The following CFAP61 variants were observed in gnomAD, a reference collection of about 807,000 sequenced individuals.
CFAP61 encodes cilia- and flagella-associated protein 61.
Under a neutral mutation model 135.6 loss-of-function variants are expected in CFAP61, and 107 were observed. The ratio of observed to expected loss-of-function variants is 0.79; its 90% CI spans 0.67 to 0.93. CFAP61 has a LOEUF of 0.93. Among genes scored for constraint, CFAP61 ranks in the 40% least tolerant of loss-of-function variants. The probability of loss-of-function intolerance (pLI) is 0.00; values close to 1 mark genes in which losing one functional copy is unlikely to be tolerated. For synonymous variants in CFAP61, 575 were observed against 578.5 expected (o/e 0.99, Z 0.09); for missense variants, 1,507 against 1,556.2 (o/e 0.97, Z 0.53).
rs2059399672 is a variant in CFAP61, at chr20:20,359,574, G to A, written c.3514-636G>A. On this transcript the variant is annotated intron_variant, in intron 26 of 26. Coordinates refer to ENST00000245957, the MANE Select transcript of CFAP61 (RefSeq NM_015585.4). The surrounding 1 kb of genome is among the most constrained non-coding windows in gnomAD (Gnocchi z 4.0). ...AGCTACTTGGGAGGCTGAGGCAGGAGAATAGTTTGAACCTGGTAGGCGGAG... is the reference window on the plus strand; with the variant it reads ...AGCTACTTGGGAGGCTGAGGCAGGAAAATAGTTTGAACCTGGTAGGCGGAG... 6.6e-6 allele frequency among the ~76,000 whole-genome samples: 1 copy of A among 152,134 alleles called. No homozygotes were observed. The highest frequency in any genetic ancestry group is 2.1e-4 in the South Asian group (1 of 4,816).
At chr20:20,076,183 T>C (rs1201032620) in intron 6 of CFAP61, among the ~76,000 whole-genome samples, 1 of 152,196 alleles carries the variant, frequency 6.6e-6, no homozygotes, top group Non-Finnish European at 1.5e-5. Context: ...CCGTCCTCTC[T>C]TCCTGAAGCT....
intron 10 of CFAP61, among the ~76,000 whole-genome samples, chr20:20,161,889 A>T (rs998385693): frequency 4.1e-5 from 3 of 74,036 alleles, no homozygotes; most frequent in Non-Finnish European, 8.8e-5. Flanking sequence ...TCTCAATGCC[A>T]GGAGCCAGGC....
At chr20:20,183,603 ATTAAT>A (rs1305692893) in intron 13 of CFAP61, among the ~76,000 whole-genome samples, 3 of 152,234 alleles carry the variant, frequency 2.0e-5, no homozygotes, top group Non-Finnish European at 4.4e-5. Context: ...GAATAGCCAC[ATTAAT>A]TTAAAAATCA....
chr20:20,261,201 T>C (rs1356382225), intron 20 of CFAP61, among the ~76,000 whole-genome samples: 2 of 152,222 alleles, frequency 1.3e-5, no homozygotes, highest in Non-Finnish European at 2.9e-5. Flanking sequence ...TAGTTTGAAA[T>C]TGCATTAAAT....
At chr20:20,137,488 C>T (rs887340812) in intron 8 of CFAP61, among the ~76,000 whole-genome samples, 9 of 152,294 alleles carry the variant, frequency 5.9e-5, no homozygotes, top group South Asian at 2.1e-4. Flanking sequence ...CTCTTCCCTC[C>T]GTTTTTCCCA....
rs544939282 is a variant in CFAP61, at chr20:20,159,158, T to G, written c.952-212T>G. ...CATCTGTTTCTCTATCTGTCTGTCTTTATTTTATCCTCATAACAGCCTTAT... is the reference window on the plus strand; with the variant it reads ...CATCTGTTTCTCTATCTGTCTGTCTGTATTTTATCCTCATAACAGCCTTAT... On this transcript the variant is annotated intron_variant, in intron 9 of 26. Coordinates refer to ENST00000245957, the MANE Select transcript of CFAP61 (RefSeq NM_015585.4). Among the ~76,000 whole-genome samples, 34 of 152,356 alleles carry G rather than the reference T, an allele frequency of 2.2e-4. No homozygotes were observed. The South Asian group carries it at 5.8e-3, about 26-fold the overall frequency.
At chr20:20,195,800 C>T (rs1265349014) in intron 15 of CFAP61, among the ~76,000 whole-genome samples, 8 of 152,106 alleles carry the variant, frequency 5.3e-5, no homozygotes, top group Non-Finnish European at 4.4e-5. Context: ...TGATATGGGG[C>T]CAGGCATGGT....
intron 10 of CFAP61, among the ~76,000 whole-genome samples, chr20:20,160,115 T>C (rs977834928): frequency 1.1e-4 from 16 of 152,212 alleles, no homozygotes; most frequent in African/African-American, 3.9e-4. Context: ...AGACTTTTCC[T>C]AAGAAGCAGA....
chr20:20,245,733 G>A (rs2050403032), intron 18 of CFAP61, among the ~76,000 whole-genome samples: 1 of 152,180 alleles, frequency 6.6e-6, no homozygotes, highest in African/African-American at 2.4e-5. Context: ...AGGCTTGACT[G>A]GAAGCAGTCA....
At chr20:20,163,931 G>A (rs762401761) in intron 10 of CFAP61, 119 bp from the exon 11 acceptor site, 4 of 697,924 alleles carry the variant, frequency 5.7e-6, no homozygotes, top group South Asian at 3.0e-5. Context: ...GAGTTGTTTC[G>A]GGTGACAGTC....
chr20:20,237,749 G>C (rs549389544), intron 18 of CFAP61, among the ~76,000 whole-genome samples: 2 of 152,328 alleles, frequency 1.3e-5, no homozygotes, highest in South Asian at 2.1e-4. Context: ...TTCTTTTACA[G>C]TTAGTTGGTT....
chr20:20,183,025 A>G (rs531792984), intron 13 of CFAP61, among the ~76,000 whole-genome samples: 17 of 152,320 alleles, frequency 1.1e-4, no homozygotes, highest in Middle Eastern at 3.4e-3. Context: ...TAAAGCGAAA[A>G]CAAACAGGCT....
rs565531460 is a variant in CFAP61 at position 20,353,603 on chromosome 20, T to C, written c.3514-6607T>C. Among the ~76,000 whole-genome samples the C allele has an allele frequency of 5.9e-5, 9 of 152,364 alleles. No individual in the cohort carries two copies. In the East Asian group the frequency reaches 1.5e-3, roughly 26 times the overall value. On this transcript the variant is annotated intron_variant, in intron 26 of 26. Coordinates refer to ENST00000245957, the MANE Select transcript of CFAP61 (RefSeq NM_015585.4). ...GATGTTTTTGTGACCAGAAATATGC[T>C]GTCGGAACTTCACTCTTGTTCTTAT...
intron 17 of CFAP61, 78 bp downstream of exon 17, chr20:20,199,980 TC>T (rs1391345181): frequency 1.3e-6 from 2 of 1,516,702 alleles, no homozygotes; most frequent in Admixed American, 3.4e-5. Context: ...AGTGCTGTCT[TC>T]ACAGGAGCAG....
chr20:20,339,236 A>C (rs2058348691), intron 25 of CFAP61, among the ~76,000 whole-genome samples: 1 of 152,108 alleles, frequency 6.6e-6, no homozygotes, highest in Non-Finnish European at 1.5e-5. Flanking sequence ...TTGGGGGAAA[A>C]AGTTAATATT....
At chr20:20,296,406 CTTTCTTTCTTTTCTTTCTT>C (rs1569261202) in intron 24 of CFAP61, among the ~76,000 whole-genome samples, 1 of 120,396 alleles carries the variant, frequency 8.3e-6, no homozygotes, top group African/African-American at 3.1e-5. Flanking sequence ...TGCCTTCCTT[CTTTCTTTCTTTTCTTTCTT>C]CCTCCCTCCC....
In CFAP61 at chr20:20,075,231, C is replaced by T. The variant is rs755206390; in HGVS notation, c.414C>T (p.Leu138=). 2 of 1,614,156 alleles carry T rather than the reference C, an allele frequency of 1.2e-6. No individual in the cohort carries two copies. Among genetic ancestry groups the T allele is most frequent in the South Asian group, 1.1e-5 (1 of 91,088 alleles). ...TGCCAGAGCTGCACTTCATATTTCT[C>T]ATCGTGCCATCCTACATGAGCCTAG... The part of the protein sequence containing the change: ...KAVPELHFIF[L]IVPSYMSLGS... Residue 138 remains leucine (L), a synonymous_variant, in exon 5 of 27, where the codon CTC becomes CTT. Transcript: ENST00000245957.
intron 22 of CFAP61, among the ~76,000 whole-genome samples, chr20:20,281,756 G>A (rs1204770199): frequency 1.3e-5 from 2 of 152,068 alleles, no homozygotes; most frequent in Non-Finnish European, 2.9e-5. Context: ...TTTGGTGTTC[G>A]AGCTGTGTTG....
At chr20:20,136,308 C>G (rs147215482) in intron 8 of CFAP61, among the ~76,000 whole-genome samples, 1 of 152,150 alleles carries the variant, frequency 6.6e-6, no homozygotes, top group East Asian at 1.9e-4. Flanking sequence ...GTTACTATCC[C>G]CTTGAATAAA....
Sources: gnomAD v4.1 joint callset for allele counts (sites outside exome capture counted in the v4.1 genomes callset) on GRCh38, gnomAD v4.1.1 for gene constraint, Gnocchi (gnomAD v3.1) non-coding constraint, MANE v1.5 for transcripts, NCBI Gene and HGNC (gene_info 2026-07-23, HGNC 2026-07-21) for gene names.